CCDC171: variants seen among roughly 807,000 people sequenced by gnomAD.
The protein encoded by CCDC171 is coiled-coil domain-containing protein 171.
Under a neutral mutation model 168.2 loss-of-function variants are expected in CCDC171, and 177 were observed. The ratio of observed to expected loss-of-function variants is 1.05; its 90% CI spans 0.93 to 1.19. The LOEUF (loss-of-function observed/expected upper bound fraction) is 1.19, where lower values mean the gene tolerates loss of function less well. Among genes scored for constraint, CCDC171 ranks in the 50% most tolerant of loss-of-function variants. The probability of loss-of-function intolerance (pLI) is 0.00; values close to 1 mark genes in which losing one functional copy is unlikely to be tolerated. For synonymous variants in CCDC171, 687 were observed against 540.8 expected (o/e 1.27, Z -3.75); for missense variants, 1,991 against 1,539.0 (o/e 1.29, Z -4.91).
intron 6 of CCDC171, among the ~76,000 whole-genome samples, chr9:15,622,327 T>C (rs1366589673): frequency 3.9e-5 from 6 of 152,108 alleles, no homozygotes; most frequent in Non-Finnish European, 8.8e-5. Flanking sequence ...GAAATAAAAG[T>C]TGAATTTAAA....
At chr9:15,560,790 C>T (rs187262989) in intron 1 of CCDC171, among the ~76,000 whole-genome samples, 1 of 152,102 alleles carries the variant, frequency 6.6e-6, no homozygotes, top group African/African-American at 2.4e-5. Context: ...GAGCTGCGTT[C>T]TTTTGGAGGG....
chr9:15,913,077 C>G (rs1230527941), intron 24 of CCDC171, among the ~76,000 whole-genome samples: 1 of 152,214 alleles, frequency 6.6e-6, no homozygotes, highest in Non-Finnish European at 1.5e-5. Flanking sequence ...AGGAGTTCCT[C>G]TTTTTCTCTT....
At chr9:16,043,767 CAT>C (rs373108057) in intron 1 of CCDC171, among the ~76,000 whole-genome samples, 3 of 152,182 alleles carry the variant, frequency 2.0e-5, no homozygotes, top group Non-Finnish European at 2.9e-5. Flanking sequence ...CTGTCCATCT[CAT>C]AGTAAATTTG....
At chr9:15,909,638 A>G (rs1302737943) in intron 24 of CCDC171, among the ~76,000 whole-genome samples, 3 of 152,190 alleles carry the variant, frequency 2.0e-5, no homozygotes, top group Non-Finnish European at 4.4e-5. Context: ...GCTATTAGTA[A>G]TAGGCCGTCT....
At chr9:15,889,492 G>T (rs79488046) in intron 24 of CCDC171, among the ~76,000 whole-genome samples, 3,378 of 152,208 alleles carry the variant, frequency 0.022, 131 homozygotes, top group African/African-American at 0.078. Context: ...CTTGTTTTGA[G>T]TCATAAAGGA....
At chr9:15,907,639 A>G (rs1473466354) in intron 24 of CCDC171, among the ~76,000 whole-genome samples, 4 of 152,222 alleles carry the variant, frequency 2.6e-5, no homozygotes, top group Non-Finnish European at 4.4e-5. Context: ...AATGGCAACA[A>G]AAGCCAAAAT....
intron 24 of CCDC171, among the ~76,000 whole-genome samples, chr9:15,899,583 T>C (rs1334232645): frequency 1.3e-5 from 2 of 152,216 alleles, no homozygotes; most frequent in African/African-American, 4.8e-5. Context: ...TCCCTAGTGC[T>C]TAGTGATTTT....
At chr9:15,569,281 C>T (rs188637227) in intron 2 of CCDC171, among the ~76,000 whole-genome samples, 2 of 152,254 alleles carry the variant, frequency 1.3e-5, no homozygotes, top group African/African-American at 2.4e-5. Context: ...GCCAGGGTTT[C>T]AGGGTTTGAA....
chr9:15,801,838 T>G (rs959893522), intron 21 of CCDC171, among the ~76,000 whole-genome samples: 1 of 152,138 alleles, frequency 6.6e-6, no homozygotes, highest in Non-Finnish European at 1.5e-5. Context: ...GAAGGGATGT[T>G]GAATTTTATC....
At chr9:15,996,206 C>A (rs1414216995) in intron 3 of CCDC171, among the ~76,000 whole-genome samples, 3 of 152,034 alleles carry the variant, frequency 2.0e-5, no homozygotes, top group South Asian at 4.2e-4. Context: ...ACATTTTGAA[C>A]AGTTTACACC....
intron 1 of CCDC171, among the ~76,000 whole-genome samples, chr9:16,059,519 T>C (rs910011651): frequency 7.1e-6 from 1 of 140,766 alleles, no homozygotes; most frequent in Non-Finnish European, 1.5e-5. Flanking sequence ...TTTTTTTTTT[T>C]TTTTTTGAGA....
intron 21 of CCDC171, among the ~76,000 whole-genome samples, chr9:15,800,145 C>T (rs2058750645): frequency 6.6e-6 from 1 of 152,110 alleles, no homozygotes; most frequent in African/African-American, 2.4e-5. Context: ...AGTGGGATTG[C>T]TGGATCATAT....
At chr9:15,828,080 A>G (rs931875734) in intron 21 of CCDC171, among the ~76,000 whole-genome samples, 2 of 152,214 alleles carry the variant, frequency 1.3e-5, no homozygotes, top group Non-Finnish European at 2.9e-5. Flanking sequence ...TGTAAGATTA[A>G]TAGTACTGCT....
chr9:15,950,809 A>G (rs1232197090), intron 25 of CCDC171, among the ~76,000 whole-genome samples: 1 of 151,854 alleles, frequency 6.6e-6, no homozygotes, highest in Non-Finnish European at 1.5e-5. Flanking sequence ...AAATGCTCCA[A>G]TTAAAAGACA....
rs928321614 is a variant in CCDC171 at position 15,744,742 on chromosome 9, G to A, written c.2519G>A (p.Cys840Tyr). 5 of 1,613,600 alleles carry A rather than the reference G, an allele frequency of 3.1e-6. No individual in the cohort carries two copies. The highest frequency in any genetic ancestry group is 4.2e-6 in the Non-Finnish European group (5 of 1,179,882). Residue 840 changes from cysteine to tyrosine, a missense_variant, in exon 17 of 26, where the codon TGC (cysteine) becomes TAC (tyrosine). Cys to Tyr is a radical substitution (Grantham distance 194). Transcript: ENST00000380701. ...AAAGAAGGCATAGGCATGTTAGTGT[G>A]CACAGGAGAGCCCCAAGACAAGCAT... ...SFKEGIGMLV[C>Y]TGEPQDKHKF...
chr9:15,699,810 C>T (rs2051551761), intron 11 of CCDC171, among the ~76,000 whole-genome samples: 1 of 151,952 alleles, frequency 6.6e-6, no homozygotes, highest in African/African-American at 2.4e-5. Context: ...TAGCCAGATA[C>T]AGAGTGACGA....
chr9:16,068,932 T>G, the CCDC171 span, among the ~76,000 whole-genome samples: 1 of 152,194 alleles, frequency 6.6e-6, no homozygotes, highest in African/African-American at 2.4e-5. Context: ...GCATTGTGTC[T>G]TCATCTCCAA....
At chr9:15,685,611 G>C (rs760460655) in intron 10 of CCDC171, among the ~76,000 whole-genome samples, 3 of 151,888 alleles carry the variant, frequency 2.0e-5, no homozygotes, top group Non-Finnish European at 4.4e-5. Flanking sequence ...TGCTAGCCTG[G>C]GGCACAAAGT....
At chr9:16,019,561 T>A (rs1178047261) in intron 3 of CCDC171, among the ~76,000 whole-genome samples, 1 of 148,090 alleles carries the variant, frequency 6.8e-6, no homozygotes, top group Non-Finnish European at 1.5e-5. Context: ...GTGGTGGGGG[T>A]GAAAGAGATT....
Sources: allele counts gnomAD v4.1 joint callset (sites outside exome capture counted in the v4.1 genomes callset), GRCh38; gene constraint gnomAD v4.1.1; transcripts MANE v1.5; gene names NCBI Gene and HGNC (gene_info 2026-07-23, HGNC 2026-07-21).